Variants in ITFG1 observed in about 807,000 individuals in gnomAD.
The protein encoded by ITFG1 is T-cell immunomodulatory protein.
In ITFG1, 34 loss-of-function variants were observed where a neutral mutation model predicts 81.8. That is an observed-to-expected ratio of 0.42 (90% CI 0.32 to 0.55). The LOEUF is 0.55. Among genes scored for constraint, ITFG1 ranks in the 20% least tolerant of loss-of-function variants. The probability of loss-of-function intolerance (pLI) is 0.17; values close to 1 mark genes in which losing one functional copy is unlikely to be tolerated. For missense variants in ITFG1, 672 were observed against 755.4 expected (o/e 0.89, Z 1.29); for synonymous variants, 285 against 270.6 (o/e 1.05, Z -0.52).
intron 14 of ITFG1, among the ~76,000 whole-genome samples, chr16:47,192,178 T>C (rs1333697224): frequency 1.3e-5 from 2 of 152,232 alleles, no homozygotes; most frequent in Admixed American, 6.5e-5. Context: ...TGTGTGGCTT[T>C]TGTTTGTTTT....
At chr16:47,342,575 G>A (rs1211151672) in intron 8 of ITFG1, among the ~76,000 whole-genome samples, 1 of 152,074 alleles carries the variant, frequency 6.6e-6, no homozygotes, top group Non-Finnish European at 1.5e-5. Context: ...ATTTAGAGAT[G>A]ACATGATGCT....
chr16:47,396,895 T>G (rs1968601040), intron 6 of ITFG1, among the ~76,000 whole-genome samples: 1 of 151,978 alleles, frequency 6.6e-6, no homozygotes, highest in Admixed American at 6.6e-5. Context: ...CTGGCTGAGG[T>G]GGGGAGGTCC....
rs754800186 is a variant in ITFG1 at position 47,260,630 on chromosome 16, C to T, written c.1136G>A (p.Arg379Gln). ...CNNASCEEAR[R>Q]MFKVYWELTD... Reference sequence around the variant, plus strand: ...CAGCTCCCAGTAGACTTTAAACATTCGACGCGCCTCTTCACAGCTTGCATT... The same window carrying T: ...CAGCTCCCAGTAGACTTTAAACATTTGACGCGCCTCTTCACAGCTTGCATT... The change falls in exon 11 of 18, where the codon CGA becomes CAA. Residue 379 changes from arginine (R) to glutamine (Q), a missense_variant. By Grantham distance (43) the Arg-to-Gln change is conservative. Around this residue, in one of 3 missense-constraint regions of ITFG1, gnomAD observed 560 missense variants for 625.7 expected, o/e 0.90. Transcript: ENST00000320640. The T allele has an allele frequency of 9.9e-6, 16 of 1,614,002 alleles. No individual in the cohort carries two copies. The highest frequency in any genetic ancestry group is 1.7e-5 in the Admixed American group (1 of 59,996).
chr16:47,267,980 C>A (rs963164096), intron 10 of ITFG1, among the ~76,000 whole-genome samples: 1 of 150,056 alleles, frequency 6.7e-6, no homozygotes, highest in African/African-American at 2.5e-5. Context: ...TCTTAAAAGC[C>A]AAAAATAGAA....
At chr16:47,245,617 A>C (rs1965991649) in intron 12 of ITFG1, among the ~76,000 whole-genome samples, 2 of 152,302 alleles carry the variant, frequency 1.3e-5, no homozygotes, top group South Asian at 4.1e-4. Flanking sequence ...CTTGGAATAA[A>C]TGTATAGAAC....
rs938522707 is a variant in ITFG1 at position 47,350,047 on chromosome 16, T to C, written c.802+15741A>G. Among the ~76,000 whole-genome samples the C allele has an allele frequency of 3.9e-5, 6 of 152,194 alleles. No individual in the cohort carries two copies. The East Asian group carries it at 1.2e-3, about 29-fold the overall frequency. Reference sequence around the variant, plus strand: ...CAAAGACACAACATACCAGAATCTCTGGGACACATTCAAAGCAGTGTGTAG... The same window carrying C: ...CAAAGACACAACATACCAGAATCTCCGGGACACATTCAAAGCAGTGTGTAG... On this transcript the variant is annotated intron_variant, in intron 8 of 17. Transcript: ENST00000320640.
chr16:47,168,279 T>C (rs1011914825), intron 14 of ITFG1, among the ~76,000 whole-genome samples: 1 of 152,254 alleles, frequency 6.6e-6, no homozygotes, highest in Non-Finnish European at 1.5e-5. Context: ...TTTTTTGTTG[T>C]TGAATTGTAA....
intron 5 of ITFG1, among the ~76,000 whole-genome samples, chr16:47,445,505 A>C (rs1969313915): frequency 1.3e-5 from 2 of 152,170 alleles, no homozygotes; most frequent in African/African-American, 4.8e-5. Flanking sequence ...GCAAGTCTTT[A>C]CTTATGATAA....
chr16:47,191,913 G>C (rs952590098), intron 14 of ITFG1, among the ~76,000 whole-genome samples: 1 of 152,114 alleles, frequency 6.6e-6, no homozygotes, highest in Non-Finnish European at 1.5e-5. Flanking sequence ...CTGGGCTTTA[G>C]GCCCACCTCA....
chr16:47,447,017 A>C (rs1969332956), intron 5 of ITFG1, among the ~76,000 whole-genome samples: 1 of 151,832 alleles, frequency 6.6e-6, no homozygotes, highest in Non-Finnish European at 1.5e-5. Flanking sequence ...GTGCACCATC[A>C]TGCTCGATTA....
At chr16:47,378,495 C>T (rs1968355661) in intron 6 of ITFG1, among the ~76,000 whole-genome samples, 1 of 152,142 alleles carries the variant, frequency 6.6e-6, no homozygotes, top group Non-Finnish European at 1.5e-5. Context: ...TTCTATTAGT[C>T]AGAATCTATA....
intron 8 of ITFG1, among the ~76,000 whole-genome samples, chr16:47,320,775 G>A (rs1967436745): frequency 6.6e-6 from 1 of 152,126 alleles, no homozygotes; most frequent in Non-Finnish European, 1.5e-5. Context: ...ACAGTGGTAT[G>A]CTCTGCCTAG....
chr16:47,230,989 C>G (rs544171057), intron 13 of ITFG1, among the ~76,000 whole-genome samples: 3 of 152,364 alleles, frequency 2.0e-5, no homozygotes, highest in Admixed American at 1.3e-4. Context: ...ACCTCGTGAT[C>G]TGCCCGCCTC....
chr16:47,276,067 A>G (rs924352958), intron 10 of ITFG1, among the ~76,000 whole-genome samples: 5 of 152,142 alleles, frequency 3.3e-5, no homozygotes, highest in Non-Finnish European at 7.4e-5. Context: ...CAATGCAATA[A>G]GACTAAAAAA....
chr16:47,258,819 A>C (rs1966171246), intron 11 of ITFG1, 79 bp from the exon 12 acceptor site: 2 of 582,770 alleles, frequency 3.4e-6, no homozygotes, highest in Non-Finnish European at 5.8e-6. Flanking sequence ...AATGCATGGC[A>C]TATTGTTTAT....
intron 1 of ITFG1, 81 bp downstream of exon 1, chr16:47,460,757 C>A (rs1969523704): frequency 7.0e-7 from 1 of 1,433,476 alleles, no homozygotes; most frequent in Non-Finnish European, 9.7e-7. Context: ...GCAGAAGGAC[C>A]GGCCATTGGG....
intron 10 of ITFG1, among the ~76,000 whole-genome samples, chr16:47,286,829 T>C (rs551290557): frequency 5.9e-5 from 9 of 152,120 alleles, no homozygotes; most frequent in African/African-American, 9.7e-5. Flanking sequence ...TCCAGTCTTA[T>C]GAGGTATGGA....
chr16:47,294,777 T>C (rs1352068909), intron 10 of ITFG1, among the ~76,000 whole-genome samples: 1 of 152,182 alleles, frequency 6.6e-6, no homozygotes, highest in East Asian at 1.9e-4. Flanking sequence ...TTGAGGATTT[T>C]TCTAGGTGTT....
intron 5 of ITFG1, among the ~76,000 whole-genome samples, chr16:47,444,119 CA>C (rs1969291673): frequency 6.6e-6 from 1 of 151,888 alleles, no homozygotes; most frequent in Admixed American, 6.6e-5. Flanking sequence ...ATATGTGTTT[CA>C]AGGAATATTA....
Sources: allele counts gnomAD v4.1 joint callset (sites outside exome capture counted in the v4.1 genomes callset), GRCh38; gene constraint gnomAD v4.1.1; regional missense constraint gnomAD v4.1.1; transcripts MANE v1.5; gene names NCBI Gene and HGNC (gene_info 2026-07-23, HGNC 2026-07-21).